The following SPMIP8 variants were observed in gnomAD, a reference collection of about 807,000 sequenced individuals.
The protein encoded by SPMIP8 is sperm microtubule inner protein 8.
chr16:57,980,303 G>A, the SPMIP8 span, among the ~76,000 whole-genome samples: 4 of 152,172 alleles, frequency 2.6e-5, no homozygotes, highest in Non-Finnish European at 5.9e-5. Context: ...GTACTGACAT[G>A]GGCATATTGA....
chr16:57,977,416 A>AAAAG, the SPMIP8 span, among the ~76,000 whole-genome samples: 1 of 150,938 alleles, frequency 6.6e-6, no homozygotes, highest in Non-Finnish European at 1.5e-5. Flanking sequence ...TCAAAAAAAA[A>AAAAG]AAAAAAAAGA....
the SPMIP8 span, among the ~76,000 whole-genome samples, chr16:57,981,481 ATC>A: frequency 1.5e-5 from 2 of 134,156 alleles, no homozygotes; most frequent in African/African-American, 5.5e-5. Flanking sequence ...TAGTCTTGTA[ATC>A]TCTCTCTCTC....
the SPMIP8 span, chr16:57,985,597 A>T: frequency 2.6e-6 from 4 of 1,529,436 alleles, no homozygotes; most frequent in Non-Finnish European, 3.5e-6. Flanking sequence ...AGGGAGGATG[A>T]GGTCTGGGCC....
At chr16:57,983,039 T>A in the SPMIP8 span, among the ~76,000 whole-genome samples, 451 of 151,978 alleles carry the variant, frequency 3.0e-3, 4 homozygotes, top group African/African-American at 0.01. Context: ...CAAAAAAAAA[T>A]TTTTTTTAAA....
chr16:57,987,622 C>A, the SPMIP8 span: 1 of 538,564 alleles, frequency 1.9e-6, no homozygotes, highest in Non-Finnish European at 2.9e-6. Context: ...AGGGTCAGGG[C>A]CACAGGATGA....
chr16:57,985,232 C>T, the SPMIP8 span: 4 of 1,551,304 alleles, frequency 2.6e-6, no homozygotes, highest in Admixed American at 2.0e-5. Context: ...CTACGCGGTG[C>T]GGTACTTGAA....
At chr16:57,987,689 G>C in the SPMIP8 span, 2 of 400,544 alleles carry the variant, frequency 5.0e-6, no homozygotes, top group African/African-American at 4.1e-5. Context: ...TGGGGGGTTG[G>C]AGAAAAATGT....
chr16:57,984,615 T>G, the SPMIP8 span: 1 of 1,547,698 alleles, frequency 6.5e-7, no homozygotes, highest in Non-Finnish European at 8.7e-7. Context: ...CGCGCGGGCC[T>G]GACCCCCGTG....
At chr16:57,985,944 A>T in the SPMIP8 span, 1 of 1,612,426 alleles carries the variant, frequency 6.2e-7, no homozygotes, top group Non-Finnish European at 8.5e-7. Context: ...AGCTACAGGT[A>T]GGGGAACGGT....
the SPMIP8 span, chr16:57,985,475 G>T: frequency 3.1e-6 from 5 of 1,613,878 alleles, no homozygotes; most frequent in Non-Finnish European, 4.2e-6. Context: ...CCTGCTGCCC[G>T]CCTCAGTACT....
At chr16:57,982,583 C>T in the SPMIP8 span, among the ~76,000 whole-genome samples, 5 of 152,288 alleles carry the variant, frequency 3.3e-5, no homozygotes, top group Non-Finnish European at 5.9e-5. Flanking sequence ...CTTTCACAGG[C>T]GACAGATGCC....
chr16:57,985,477 C>T, the SPMIP8 span: 1 of 1,613,960 alleles, frequency 6.2e-7, no homozygotes, highest in Middle Eastern at 1.6e-4. Flanking sequence ...TGCTGCCCGC[C>T]TCAGTACTGC....
chr16:57,986,187 A>C, the SPMIP8 span: 2 of 442,484 alleles, frequency 4.5e-6, no homozygotes, highest in Non-Finnish European at 8.0e-6. Flanking sequence ...TGACTGGAGG[A>C]GGCCAAAAGG....
the SPMIP8 span, among the ~76,000 whole-genome samples, chr16:57,981,398 T>TATAATAATAATAATAATAATA: frequency 7.2e-6 from 1 of 139,030 alleles, no homozygotes; most frequent in African/African-American, 2.7e-5. Flanking sequence ...TAATAATTAT[T>TATAATAATAATAATAATAATA]ATTATTATAA....
At chr16:57,977,180 C>T in the SPMIP8 span, among the ~76,000 whole-genome samples, 1 of 152,006 alleles carries the variant, frequency 6.6e-6, no homozygotes, top group Non-Finnish European at 1.5e-5. Flanking sequence ...GAGGCTGAGG[C>T]GGGTGGATCA....
At chr16:57,985,093 G>A in the SPMIP8 span, 1 of 1,230,040 alleles carries the variant, frequency 8.1e-7, no homozygotes, top group East Asian at 2.7e-5. Context: ...GTACACGTGT[G>A]GGTGGGGCTG....
chr16:57,985,327 C>T, the SPMIP8 span: 1 of 1,542,538 alleles, frequency 6.5e-7, no homozygotes, highest in Non-Finnish European at 8.7e-7. Context: ...TGGTGGGGAG[C>T]GGCTTAAGCC....
chr16:57,982,424 C>T, the SPMIP8 span, among the ~76,000 whole-genome samples: 1 of 152,204 alleles, frequency 6.6e-6, no homozygotes, highest in Admixed American at 6.5e-5. Flanking sequence ...TTTTTAAAGT[C>T]TCTAACAGTT....
chr16:57,987,312 T>C, the SPMIP8 span: 1 of 1,350,440 alleles, frequency 7.4e-7, no homozygotes, highest in Non-Finnish European at 9.7e-7. Context: ...GGAAGCTGTG[T>C]TTTCAGATCC....
Sources: allele counts gnomAD v4.1 joint callset (sites outside exome capture counted in the v4.1 genomes callset), GRCh38; gene constraint gnomAD v4.1.1; transcripts MANE v1.5; gene names NCBI Gene and HGNC (gene_info 2026-07-23, HGNC 2026-07-21).